Variants in ZNF518A observed in about 807,000 individuals in gnomAD.
ZNF518A encodes zinc finger protein 518.
ZNF518A carries 47 observed loss-of-function variants against 102.7 expected under a neutral mutation model. The ratio of observed to expected loss-of-function variants is 0.46; its 90% CI spans 0.36 to 0.58. ZNF518A has a LOEUF of 0.58. ZNF518A is among the 20% of genes least tolerant of loss of function. The probability of loss-of-function intolerance (pLI) is 0.00; values close to 1 mark genes in which losing one functional copy is unlikely to be tolerated. For missense variants in ZNF518A, 1,793 were observed against 1,699.8 expected (o/e 1.05, Z -0.96); for synonymous variants, 652 against 594.6 (o/e 1.10, Z -1.40).
At chr10:96,201,182 A>C in intron 1 of ZNF518A, 2 of 855,058 alleles carry the variant, frequency 2.3e-6, no homozygotes, top group East Asian at 5.2e-5. Context: ...TCCTTAAGGC[A>C]ATGGTTCCAA....
chr10:96,134,037 A>C (rs1487758861), intron 3 of ZNF518A, among the ~76,000 whole-genome samples: 1 of 152,232 alleles, frequency 6.6e-6, no homozygotes, highest in Admixed American at 6.5e-5. Context: ...AAGGTTGAGC[A>C]TCCCAAATCT....
At chr10:96,174,441 G>A (rs181964569) in intron 1 of ZNF518A, among the ~76,000 whole-genome samples, 27 of 152,084 alleles carry the variant, frequency 1.8e-4, no homozygotes, top group Non-Finnish European at 3.5e-4. Flanking sequence ...AAGAAAATAA[G>A]ACTCAAATTA....
intron 3 of ZNF518A, among the ~76,000 whole-genome samples, chr10:96,150,009 T>A (rs2082352582): frequency 6.6e-6 from 1 of 151,948 alleles, no homozygotes; most frequent in Non-Finnish European, 1.5e-5. Context: ...TGTTTAGAGT[T>A]GTGAATAAAA....
intron 1 of ZNF518A, among the ~76,000 whole-genome samples, chr10:96,185,631 A>T (rs1397304746): frequency 6.6e-6 from 1 of 152,214 alleles, no homozygotes; most frequent in Non-Finnish European, 1.5e-5. Flanking sequence ...GGGTATCACC[A>T]GCAGAGGCTG....
chr10:96,194,340 T>G (rs1304564941), intron 1 of ZNF518A, among the ~76,000 whole-genome samples: 7 of 152,298 alleles, frequency 4.6e-5, no homozygotes, highest in African/African-American at 1.7e-4. Context: ...AGTTTTGCAT[T>G]TTAAAATTAT....
chr10:96,190,033 T>A, intron 1 of ZNF518A: 1 of 809,206 alleles, frequency 1.2e-6, no homozygotes, highest in South Asian at 1.3e-5. Context: ...ATTCATTGCC[T>A]CTGCTTCAAC....
At chr10:96,153,159 C>T (rs782313766) in intron 3 of ZNF518A, among the ~76,000 whole-genome samples, 13 of 152,336 alleles carry the variant, frequency 8.5e-5, no homozygotes, top group Non-Finnish European at 1.5e-4. Context: ...GCCTGGAGTT[C>T]TGATGCCCAA....
intron 1 of ZNF518A, among the ~76,000 whole-genome samples, chr10:96,181,022 T>C (rs2083236980): frequency 6.6e-6 from 1 of 152,202 alleles, no homozygotes; most frequent in Non-Finnish European, 1.5e-5. Context: ...TCCTGACTTT[T>C]TAATGATTGC....
chr10:96,135,831 A>C (rs1031142724), intron 3 of ZNF518A, among the ~76,000 whole-genome samples: 1 of 152,350 alleles, frequency 6.6e-6, no homozygotes, highest in East Asian at 1.9e-4. Flanking sequence ...AAACAGATAA[A>C]TGAATGCACA....
In ZNF518A at chr10:96,160,450, G is replaced by A. The variant is rs1220274197; in HGVS notation, c.4128G>A (p.Lys1376=). The A allele has an allele frequency of 6.2e-6, 10 of 1,613,212 alleles. No individual in the cohort carries two copies. In the African/African-American group the frequency reaches 9.3e-5, roughly 15 times the overall value. Residue 1376 remains lysine, a synonymous_variant, in exon 6 of 6, where the codon AAG becomes AAA. Transcript: ENST00000316045. The part of the protein sequence containing the change: ...TIAKFNGHVL[K]VSLSKRTINA... ...CTAAATTTAATGGACATGTACTTAA[G>A]GTTTCATTGTCAAAAAGAACTATAA...
rs771301146 is a variant in ZNF518A, at chr10:96,163,383, T to C, written c.*2609T>C. The C allele has an allele frequency of 3.1e-4, 51 of 167,038 alleles. No individual in the cohort carries two copies. Among genetic ancestry groups the C allele is most frequent in the Non-Finnish European group, 6.9e-4 (47 of 68,094 alleles). 10.3% of individuals were successfully genotyped at this position (167,038 alleles called of 1,614,324 possible). A position where few individuals can be genotyped will look rare whatever the true frequency, so the allele number is the denominator to read the frequency against. Reference sequence around the variant, plus strand: ...GATTTTCAGTAGTTCGAGGTTCTTATTACAATTGAAGAGTTAGTTTTAGTT... The same window carrying C: ...GATTTTCAGTAGTTCGAGGTTCTTACTACAATTGAAGAGTTAGTTTTAGTT... On this transcript the variant is annotated 3_prime_UTR_variant, in exon 6 of 6. Transcript: ENST00000316045.
rs2082833620 is a variant in ZNF518A at position 96,158,692 on chromosome 10, A to G, written c.2370A>G (p.Val790=). ...AAGTAAACCAATTGCTTCAGGATGT[A>G]TTGAAAATAAAACCTGATGTAAAAC... ...PPEVNQLLQD[V]LKIKPDVKQD... is the part of the protein sequence containing the mutation. Residue 790 remains valine, a synonymous_variant, in exon 6 of 6, where the codon GTA becomes GTG. Transcript: ENST00000316045. 2.5e-6 allele frequency: 4 copies of G among 1,613,296 alleles called. No individual in the cohort carries two copies. The highest frequency in any genetic ancestry group is 1.3e-5 in the African/African-American group (1 of 74,922).
intron 1 of ZNF518A, chr10:96,197,121 G>A: frequency 7.1e-7 from 1 of 1,418,016 alleles, no homozygotes; most frequent in Non-Finnish European, 9.6e-7. Context: ...ATTTCTACAG[G>A]TTCAAAAAAT....
At position 96,163,020 on chromosome 10, in the gene ZNF518A, T is replaced by G. The variant is rs1432395454; in HGVS notation, c.*2246T>G. ...AAATGCTCTGTTTGTTACATATAGATCTGTTATGAGACATCACCTGCTGTA... is the reference window on the plus strand; with the variant it reads ...AAATGCTCTGTTTGTTACATATAGAGCTGTTATGAGACATCACCTGCTGTA... On this transcript the variant is annotated 3_prime_UTR_variant, in exon 6 of 6. Transcript: ENST00000316045. 1 of 152,992 alleles carries G rather than the reference T, an allele frequency of 6.5e-6. No individual in the cohort carries two copies. The highest frequency in any genetic ancestry group is 2.6e-5 in the African/African-American group (1 of 38,754). 9.5% of individuals were successfully genotyped at this position (152,992 alleles called of 1,614,324 possible). A position where few individuals can be genotyped will look rare whatever the true frequency, so the allele number is the denominator to read the frequency against.
rs782497643 is a variant in ZNF518A at position 96,160,754 on chromosome 10, G to A, written c.4432G>A (p.Asp1478Asn). The part of the protein sequence containing the change: ...GQRHLMEATR[D>N]WNMLE ...GAGACATTTAATGGAAGCTACTCGG[G>A]ATTGGAACATGTTAGAATAGTTTAC... is the stretch of plus-strand genomic sequence containing the variant. Residue 1478 changes from aspartate to asparagine, a missense_variant, in exon 6 of 6, where the codon GAT (aspartate) becomes AAT (asparagine). This residue lies in a region of ZNF518A where 22 missense variants were observed against 16.0 expected (regional missense o/e 1.37). Coordinates refer to ENST00000316045, the MANE Select transcript of ZNF518A (RefSeq NM_001330736.2). The A allele has an allele frequency of 3.1e-6, 5 of 1,590,444 alleles. No individual in the cohort carries two copies. The highest frequency in any genetic ancestry group is 4.3e-6 in the Non-Finnish European group (5 of 1,171,726).
chr10:96,168,438 T>G (rs1431497025), downstream of ZNF518A, among the ~76,000 whole-genome samples: 2 of 145,954 alleles, frequency 1.4e-5, no homozygotes, highest in African/African-American at 2.5e-5. Context: ...CTTTCCAGTG[T>G]TTTTTTTTTT....
At position 96,159,935 on chromosome 10, in the gene ZNF518A, G is replaced by A; in HGVS notation, c.3613G>A (p.Glu1205Lys). The A allele has an allele frequency of 1.2e-6, 2 of 1,613,480 alleles. No homozygotes were observed. The highest frequency in any genetic ancestry group is 1.7e-6 in the Non-Finnish European group (2 of 1,179,704). ...FLLDDLMPAN[E>K]IVITSTATCP... ...ACTAGATGACTTAATGCCAGCAAAT[G>A]AAATTGTGATAACTTCTACTGCAAC... Residue 1205 changes from glutamate (E) to lysine (K), a missense_variant, in exon 6 of 6, where the codon GAA becomes AAA. Physicochemically the swap from Glu to Lys is moderately conservative, Grantham distance 56. This residue lies in a region of ZNF518A where 1,741 missense variants were observed against 1,622.6 expected (regional missense o/e 1.07). Coordinates refer to ENST00000316045, the MANE Select transcript of ZNF518A (RefSeq NM_001330736.2).
downstream of ZNF518A, among the ~76,000 whole-genome samples, chr10:96,167,641 T>C (rs782089674): frequency 3.9e-5 from 6 of 152,098 alleles, no homozygotes; most frequent in African/African-American, 1.4e-4. Flanking sequence ...AATACTAGAT[T>C]TGAGATGGCA....
chr10:96,201,163 CA>C (rs1458486825), intron 1 of ZNF518A: 129 of 1,007,492 alleles, frequency 1.3e-4, no homozygotes, highest in Non-Finnish European at 1.4e-4. Flanking sequence ...ACACATCCAC[CA>C]AAAAAAATCC....
Sources: allele counts gnomAD v4.1 joint callset (sites outside exome capture counted in the v4.1 genomes callset), GRCh38; gene constraint gnomAD v4.1.1; regional missense constraint gnomAD v4.1.1; transcripts MANE v1.5; gene names NCBI Gene and HGNC (gene_info 2026-07-23, HGNC 2026-07-21).